BCLAF3: variants seen among roughly 807,000 people sequenced by gnomAD.
BCLAF3 encodes transient octamer binding factor 1.
Under a neutral mutation model 51.2 loss-of-function variants are expected in BCLAF3, and 24 were observed. The observed-to-expected ratio is 0.47, with a 90% CI of 0.34 to 0.66. The LOEUF (loss-of-function observed/expected upper bound fraction) is 0.66, where lower values mean the gene tolerates loss of function less well. Among genes scored for constraint, BCLAF3 ranks in the 30% least tolerant of loss-of-function variants. BCLAF3 has a pLI of 0.01. For synonymous variants in BCLAF3, 152 were observed against 176.6 expected (o/e 0.86, Z 1.10); for missense variants, 465 against 525.1 (o/e 0.89, Z 1.12).
At chrX:19,968,131 G>A (rs754528368) in intron 2 of BCLAF3, among the ~76,000 whole-genome samples, 5 of 112,618 alleles carry the variant, frequency 4.4e-5, no homozygotes, top group African/African-American at 1.3e-4. Context: ...GGTTTGATAT[G>A]CTATTTTATA....
At position 19,965,810 on chromosome X, in the gene BCLAF3, G is replaced by C. The variant is rs145594691; in HGVS notation, c.612-104C>G. 1.5e-3 allele frequency: 1,266 copies of C among 861,648 alleles called. 12 individuals are homozygous for C. In the African/African-American group the frequency reaches 0.023, roughly 16 times the overall value. 71.0% of individuals were successfully genotyped at this position (861,648 alleles called of 1,213,427 possible). ...ATGGCTTTAAATGCAGAATGCAGTG[G>C]CAAGTTAATCTATAACCCTTTAAGC... On this transcript the variant is annotated intron_variant, in intron 3 of 11. Transcript: ENST00000379682.
At chrX:19,949,507 A>C (rs1011982274) in intron 8 of BCLAF3, among the ~76,000 whole-genome samples, 1 of 112,328 alleles carries the variant, frequency 8.9e-6, no homozygotes, top group African/African-American at 3.2e-5. Flanking sequence ...TGTTGAGTCA[A>C]GAAAAGCATG....
intron 1 of BCLAF3, among the ~76,000 whole-genome samples, chrX:19,980,022 G>C (rs1304395624): frequency 9.0e-6 from 1 of 111,671 alleles, no homozygotes; most frequent in African/African-American, 3.2e-5. Context: ...TATAATTGCA[G>C]TCCCTGAAGA....
chrX:19,962,267 G>A (rs1488378701), intron 4 of BCLAF3, among the ~76,000 whole-genome samples: 4 of 111,183 alleles, frequency 3.6e-5, no homozygotes, highest in East Asian at 2.8e-4. Context: ...CTGCAGTCTC[G>A]ATCTCCCAGG....
chrX:19,968,611 G>A (rs749207729), intron 2 of BCLAF3, among the ~76,000 whole-genome samples: 21 of 113,061 alleles, frequency 1.9e-4, no homozygotes, highest in Non-Finnish European at 3.4e-4. Context: ...AGCTCAAGCT[G>A]CTTGCTGTAT....
chrX:19,983,064 C>T (rs184391633), intron 1 of BCLAF3, among the ~76,000 whole-genome samples: 90 of 105,218 alleles, frequency 8.6e-4, no homozygotes, highest in African/African-American at 2.9e-3. Flanking sequence ...AAGCGATTCC[C>T]GTGCTTCAGC....
At position 19,988,506 on chromosome X, in the gene BCLAF3, T is replaced by G. The variant is rs772356528; in HGVS notation, c.-35+2402A>C. 1.4e-3 allele frequency among the ~76,000 whole-genome samples: 159 copies of G among 112,159 alleles called. 1 individual carries two copies. The highest frequency in any genetic ancestry group is 4.9e-3 in the African/African-American group (151 of 30,923). ...TAATAACATGGCCGGGTGCAGTGGCTCATGCCTGTAATCCCAGCACTCTGC... is the reference window on the plus strand; with the variant it reads ...TAATAACATGGCCGGGTGCAGTGGCGCATGCCTGTAATCCCAGCACTCTGC... On this transcript the variant is annotated intron_variant, in intron 1 of 11. Coordinates refer to ENST00000379682, the MANE Select transcript of BCLAF3 (RefSeq NM_001367774.2).
At chrX:19,930,929 T>C (rs1462258891) in intron 10 of BCLAF3, among the ~76,000 whole-genome samples, 1 of 112,732 alleles carries the variant, frequency 8.9e-6, no homozygotes, top group Non-Finnish European at 1.9e-5. Context: ...TCTAATGAAC[T>C]AAAATTATTC....
intron 4 of BCLAF3, among the ~76,000 whole-genome samples, chrX:19,958,991 G>C (rs776349934): frequency 8.9e-6 from 1 of 111,896 alleles, no homozygotes; most frequent in African/African-American, 3.2e-5. Context: ...ATCCTCTGGC[G>C]GCCAGAACTG....
rs1473472785 is a variant in BCLAF3 at position 19,915,917 on chromosome X, A to G, written c.*1388T>C. ...TAAATATGTTTGGAAAACCTGACCT[A>G]TAGAGATTGTACACAGTACAAGACA... On this transcript the variant is annotated 3_prime_UTR_variant, in exon 12 of 12. Coordinates refer to ENST00000379682, the MANE Select transcript of BCLAF3 (RefSeq NM_001367774.2). The G allele has an allele frequency of 1.8e-5, 2 of 111,877 alleles. No homozygotes were observed. The highest frequency in any genetic ancestry group is 3.8e-5 in the Non-Finnish European group (2 of 53,132). The allele number at this position is 111,877 out of a possible 1,213,427, so 9.2% of individuals were successfully genotyped here.
In BCLAF3 at chrX:19,965,359, CTATT is replaced by C. The variant is rs1569507814; in HGVS notation, c.955_958del (p.Asn319GlufsTer3). On this transcript the variant is annotated frameshift_variant, in exon 4 of 12. Transcript: ENST00000379682. LOFTEE classifies it high-confidence loss of function. ...TCCAGTATTAAAACAATCTAACTCT[CTATT>C]TAGAGGGCCTTTTTGAAAACTATAT... The C allele has an allele frequency of 8.3e-7, 1 of 1,211,011 alleles. No homozygotes were observed. The highest frequency in any genetic ancestry group is 1.1e-6 in the Non-Finnish European group (1 of 894,895).
intron 1 of BCLAF3, among the ~76,000 whole-genome samples, chrX:19,990,142 GAAA>G (rs376381001): frequency 2.0e-5 from 1 of 50,801 alleles, no homozygotes. Context: ...TTTGTTCCAG[GAAA>G]AAAAAAAAAA....
intron 11 of BCLAF3, among the ~76,000 whole-genome samples, chrX:19,919,879 A>AAAG (rs1346141648): frequency 4.7e-5 from 5 of 106,665 alleles, no homozygotes; most frequent in African/African-American, 1.7e-4. Flanking sequence ...AAAAAAAAAA[A>AAAG]GGTTGTACAG....
At chrX:19,962,286 A>G (rs1196702016) in intron 4 of BCLAF3, among the ~76,000 whole-genome samples, 4 of 111,250 alleles carry the variant, frequency 3.6e-5, no homozygotes, top group African/African-American at 1.3e-4. Flanking sequence ...GGCTCAAGCA[A>G]TCCTCCCACC....
chrX:19,972,075 C>T (rs1243276647), intron 1 of BCLAF3, among the ~76,000 whole-genome samples: 2 of 112,403 alleles, frequency 1.8e-5, no homozygotes, highest in African/African-American at 6.5e-5. Context: ...TTTAGTTATA[C>T]ACAGCCTCTT....
chrX:19,965,883 A>G (rs1227070023), intron 3 of BCLAF3, among the ~76,000 whole-genome samples, 177 bp from the exon 4 acceptor site: 1 of 112,221 alleles, frequency 8.9e-6, no homozygotes, highest in Non-Finnish European at 1.9e-5. Context: ...CCATCTTTTA[A>G]AAGTATTCTA....
chrX:19,958,968 T>C (rs2071760215), intron 4 of BCLAF3, among the ~76,000 whole-genome samples: 1 of 112,191 alleles, frequency 8.9e-6, no homozygotes, highest in Admixed American at 9.4e-5. Flanking sequence ...TTCAGTCTAC[T>C]TCATAGACAG....
intron 1 of BCLAF3, among the ~76,000 whole-genome samples, chrX:19,982,345 C>T (rs2072637898): frequency 9.0e-6 from 1 of 110,858 alleles, no homozygotes; most frequent in South Asian, 3.8e-4. Context: ...CGCACCAAGT[C>T]AGAGCCCACA....
intron 1 of BCLAF3, among the ~76,000 whole-genome samples, chrX:19,984,847 G>C (rs1453141638): frequency 9.0e-6 from 1 of 110,601 alleles, no homozygotes; most frequent in African/African-American, 3.3e-5. Context: ...CACCACGCCC[G>C]GCTAATTTTG....
Sources: gnomAD v4.1 joint callset for allele counts (sites outside exome capture counted in the v4.1 genomes callset) on GRCh38, gnomAD v4.1.1 for gene constraint, MANE v1.5 for transcripts, NCBI Gene and HGNC (gene_info 2026-07-23, HGNC 2026-07-21) for gene names.